The following HYCC1 variants were observed in gnomAD, a reference collection of about 807,000 sequenced individuals.
HYCC1 encodes hyccin PI4KA lipid kinase complex subunit 1.
the HYCC1 span, among the ~76,000 whole-genome samples, chr7:22,913,023 C>G: frequency 5.3e-5 from 8 of 151,896 alleles, no homozygotes; most frequent in Admixed American, 4.6e-4. Flanking sequence ...ACTTGGGAAG[C>G]TGAGGCAGGA....
the HYCC1 span, among the ~76,000 whole-genome samples, chr7:22,998,921 C>G: frequency 6.6e-6 from 1 of 152,144 alleles, no homozygotes; most frequent in African/African-American, 2.4e-5. Context: ...TAATCCATGC[C>G]ACTCCAGGCT....
chr7:22,951,885 T>C, the HYCC1 span, among the ~76,000 whole-genome samples: 1 of 151,882 alleles, frequency 6.6e-6, no homozygotes. Context: ...AAAACATACA[T>C]GCATAGAAAA....
At chr7:22,961,329 A>C in the HYCC1 span, 13 of 1,397,088 alleles carry the variant, frequency 9.3e-6, no homozygotes, top group South Asian at 1.4e-4. Flanking sequence ...ATAACTATAA[A>C]ATTAGATGAA....
chr7:23,003,767 A>G, the HYCC1 span, among the ~76,000 whole-genome samples: 3 of 152,210 alleles, frequency 2.0e-5, no homozygotes, highest in African/African-American at 7.2e-5. Context: ...GAGGTCTGCC[A>G]ATAGAGGCTC....
the HYCC1 span, chr7:22,977,532 G>A: frequency 1.6e-6 from 1 of 629,046 alleles, no homozygotes; most frequent in Non-Finnish European, 2.7e-6. Context: ...GAATAGAAAG[G>A]AATTTTAAGT....
the HYCC1 span, among the ~76,000 whole-genome samples, chr7:22,958,194 A>C: frequency 6.6e-6 from 1 of 152,086 alleles, no homozygotes; most frequent in African/African-American, 2.4e-5. Context: ...GAAACCTTTC[A>C]AATTCAGCCG....
the HYCC1 span, among the ~76,000 whole-genome samples, chr7:22,925,037 T>C: frequency 6.6e-6 from 1 of 152,136 alleles, no homozygotes; most frequent in Non-Finnish European, 1.5e-5. Flanking sequence ...TACCAGCTGT[T>C]CTGCAGCCAC....
the HYCC1 span, among the ~76,000 whole-genome samples, chr7:22,898,282 C>T: frequency 1.3e-5 from 2 of 151,970 alleles, no homozygotes; most frequent in African/African-American, 2.4e-5. Flanking sequence ...GGCGCGATCT[C>T]GGCTCACTGG....
the HYCC1 span, among the ~76,000 whole-genome samples, chr7:23,007,031 C>T: frequency 4.8e-4 from 73 of 152,220 alleles, 2 homozygotes; most frequent in Non-Finnish European, 2.8e-4. Flanking sequence ...ATATTAAGTG[C>T]ATTATATGAA....
the HYCC1 span, among the ~76,000 whole-genome samples, chr7:22,964,221 C>T: frequency 6.6e-6 from 1 of 151,828 alleles, no homozygotes; most frequent in African/African-American, 2.4e-5. Context: ...AGAAATTCTT[C>T]AGAACTTTAA....
the HYCC1 span, among the ~76,000 whole-genome samples, chr7:22,970,088 G>C: frequency 9.4e-5 from 13 of 137,758 alleles, no homozygotes; most frequent in Non-Finnish European, 2.1e-4. Flanking sequence ...GAATTACAGA[G>C]ACAATTCTCT....
At chr7:22,953,227 G>T in the HYCC1 span, among the ~76,000 whole-genome samples, 1 of 151,802 alleles carries the variant, frequency 6.6e-6, no homozygotes, top group Non-Finnish European at 1.5e-5. Flanking sequence ...TGACCACGTA[G>T]CACAGACCAA....
At chr7:22,928,597 G>A in the HYCC1 span, among the ~76,000 whole-genome samples, 1 of 152,114 alleles carries the variant, frequency 6.6e-6, no homozygotes. Context: ...TTGCTTCAAA[G>A]AGAATAAAAT....
At chr7:22,907,369 C>T in the HYCC1 span, among the ~76,000 whole-genome samples, 1 of 152,162 alleles carries the variant, frequency 6.6e-6, no homozygotes, top group Admixed American at 6.5e-5. Context: ...CTGGCTGGCA[C>T]GTTACCTTAG....
chr7:22,945,843 T>C, the HYCC1 span: 1 of 1,613,794 alleles, frequency 6.2e-7, no homozygotes, highest in Non-Finnish European at 8.5e-7. Flanking sequence ...CCATGGCTAC[T>C]AGGCTTAGGT....
At chr7:22,921,863 T>C in the HYCC1 span, among the ~76,000 whole-genome samples, 10 of 152,150 alleles carry the variant, frequency 6.6e-5, no homozygotes, top group African/African-American at 2.4e-4. Context: ...AGTAGATCCA[T>C]ACAGTTCAAA....
At chr7:23,008,617 A>C in the HYCC1 span, among the ~76,000 whole-genome samples, 1 of 152,082 alleles carries the variant, frequency 6.6e-6, no homozygotes, top group African/African-American at 2.4e-5. Flanking sequence ...ATTTAGTGAA[A>C]TACATTAAAA....
chr7:22,962,005 C>T, the HYCC1 span, among the ~76,000 whole-genome samples: 5 of 152,064 alleles, frequency 3.3e-5, no homozygotes, highest in African/African-American at 1.2e-4. Flanking sequence ...GTATAAATTA[C>T]ATCAAGAGTG....
the HYCC1 span, chr7:22,945,346 T>C: frequency 7.3e-6 from 4 of 549,976 alleles, no homozygotes; most frequent in South Asian, 6.5e-5. Context: ...CAATAACAAA[T>C]AAGAGGAGGG....
Sources: allele counts gnomAD v4.1 joint callset (sites outside exome capture counted in the v4.1 genomes callset), GRCh38; gene constraint gnomAD v4.1.1; transcripts MANE v1.5; gene names NCBI Gene and HGNC (gene_info 2026-07-23, HGNC 2026-07-21).